The following SLCO1A2 variants were observed in gnomAD, a reference collection of about 807,000 sequenced individuals.
SLCO1A2 encodes OATP-1.
In SLCO1A2, 67 loss-of-function variants were observed where a neutral mutation model predicts 69.0. That is an observed-to-expected ratio of 0.97 (90% CI 0.80 to 1.19). The LOEUF is 1.19. Ranked by LOEUF, SLCO1A2 falls within the 50% of genes most tolerant of loss-of-function variation. The pLI, the probability that SLCO1A2 is intolerant of heterozygous loss-of-function variation, is 0.00. For synonymous variants in SLCO1A2, 260 were observed against 265.9 expected (o/e 0.98, Z 0.22); for missense variants, 787 against 793.7 (o/e 0.99, Z 0.10).
chr12:21,405,078 CTT>C (rs3060710), intron 1 of SLCO1A2, among the ~76,000 whole-genome samples: 1 of 144,158 alleles, frequency 6.9e-6, no homozygotes. Flanking sequence ...TTTTTAATGG[CTT>C]TTTTTTTTTT....
At chr12:21,285,162 T>G (rs1369347573) in intron 12 of SLCO1A2, among the ~76,000 whole-genome samples, 2 of 147,318 alleles carry the variant, frequency 1.4e-5, no homozygotes, top group African/African-American at 5.0e-5. Flanking sequence ...CAATAAAAAA[T>G]GATAAAGGGG....
Position 21,279,070 on chromosome 12 carries a change from T to A in SLCO1A2, c.1611-3646A>T, listed in dbSNP as rs75790254. Among the ~76,000 whole-genome samples the A allele has an allele frequency of 4.2e-3, 640 of 152,020 alleles. 9 individuals carry two copies. Among genetic ancestry groups the A allele is most frequent in the African/African-American group, 0.015 (615 of 41,468 alleles). On this transcript the variant is annotated intron_variant, in intron 12 of 14. Coordinates refer to ENST00000683939, the MANE Select transcript of SLCO1A2 (RefSeq NM_001386879.1). ...AAAAATGCAATGACATACTAAAGAA[T>A]GCCTCAGAATCTCTTAATAGCAGAA...
At chr12:21,293,877 T>C in intron 11 of SLCO1A2, 68 bp downstream of exon 11, 1 of 1,318,316 alleles carries the variant, frequency 7.6e-7, no homozygotes, top group East Asian at 2.5e-5. Context: ...TTATTAAATA[T>C]AGGCCCAGTT....
chr12:21,343,322 A>G (rs1453704794), intron 2 of SLCO1A2, among the ~76,000 whole-genome samples: 4 of 152,136 alleles, frequency 2.6e-5, no homozygotes, highest in Non-Finnish European at 4.4e-5. Flanking sequence ...TACAAATGAG[A>G]CTTAATATCT....
chr12:21,361,322 T>G (rs1024640404), intron 2 of SLCO1A2, among the ~76,000 whole-genome samples: 1 of 152,028 alleles, frequency 6.6e-6, no homozygotes, highest in African/African-American at 2.4e-5. Flanking sequence ...CAGTTGAGGG[T>G]CCTGACTGTT....
chr12:21,349,940 G>T (rs1486742290), intron 2 of SLCO1A2, among the ~76,000 whole-genome samples: 1 of 152,146 alleles, frequency 6.6e-6, no homozygotes, highest in African/African-American at 2.4e-5. Flanking sequence ...GTAGAAACTT[G>T]ATCTGCCTTG....
rs200833464 is a variant in SLCO1A2, at chr12:21,314,571, G to A, written c.313C>T (p.Leu105=). 4.3e-5 allele frequency: 70 copies of A among 1,613,980 alleles called. No homozygotes were observed. The highest frequency in any genetic ancestry group is 5.4e-5 in the Non-Finnish European group (64 of 1,179,970). The change falls in exon 4 of 15, where the codon CTA becomes TTA. Residue 105 remains leucine, a synonymous_variant. Coordinates refer to ENST00000683939, the MANE Select transcript of SLCO1A2 (RefSeq NM_001386879.1). ...VMGLGCFLKS[L]PHFLMNQYEY... Reference sequence around the variant, plus strand: ...TACTGGTTCATGAGGAAATGAGGTAGTGATTTTAAGAAACAGCCTAAGCCC... The same window carrying A: ...TACTGGTTCATGAGGAAATGAGGTAATGATTTTAAGAAACAGCCTAAGCCC...
chr12:21,300,646 G>T, intron 7 of SLCO1A2, 77 bp from the exon 8 acceptor site: 1 of 1,154,018 alleles, frequency 8.7e-7, no homozygotes, highest in Non-Finnish European at 1.2e-6. Flanking sequence ...ATTAAAATTA[G>T]AATTATCGGG....
intron 2 of SLCO1A2, among the ~76,000 whole-genome samples, chr12:21,345,032 C>G (rs1202613979): frequency 6.6e-6 from 1 of 151,894 alleles, no homozygotes; most frequent in South Asian, 2.1e-4. Context: ...GTAAATGTTA[C>G]TTTTCGTTAT....
intron 3 of SLCO1A2, among the ~76,000 whole-genome samples, chr12:21,318,008 GA>G (rs199577219): frequency 1.3e-5 from 2 of 150,806 alleles, no homozygotes; most frequent in African/African-American, 4.9e-5. Flanking sequence ...TCTGTACTTA[GA>G]AAAAAAAATT....
intron 2 of SLCO1A2, among the ~76,000 whole-genome samples, chr12:21,350,544 G>C (rs1391681467): frequency 6.6e-6 from 1 of 151,984 alleles, no homozygotes; most frequent in Admixed American, 6.6e-5. Context: ...AAATTAAAAA[G>C]TAATGTTTCA....
At chr12:21,317,564 T>A (rs1417887796) in intron 3 of SLCO1A2, among the ~76,000 whole-genome samples, 2 of 152,208 alleles carry the variant, frequency 1.3e-5, no homozygotes, top group East Asian at 3.8e-4. Context: ...TATCTGCATC[T>A]CTACCTTCCG....
chr12:21,411,001 T>C (rs975120483), intron 1 of SLCO1A2, among the ~76,000 whole-genome samples: 1 of 152,196 alleles, frequency 6.6e-6, no homozygotes, highest in African/African-American at 2.4e-5. Context: ...GTTTTGTGCA[T>C]TGTAAATACT....
At chr12:21,400,889 AGG>A (rs1941676265) in intron 1 of SLCO1A2, among the ~76,000 whole-genome samples, 2 of 55,896 alleles carry the variant, frequency 3.6e-5, no homozygotes, top group Non-Finnish European at 6.2e-5. Flanking sequence ...GGGTGGGGGG[AGG>A]GGGGAGGGAT....
At position 21,306,988 on chromosome 12, in the gene SLCO1A2, T is replaced by A; in HGVS notation, c.336A>T (p.Gln112His). Reference sequence around the variant, plus strand: ...CTGAAACTGTAGATTCATATTCATATCTGTATAAACACAGGGAAAATGAGT... The same window carrying A: ...CTGAAACTGTAGATTCATATTCATAACTGTATAAACACAGGGAAAATGAGT... The part of the protein sequence containing the change: ...LKSLPHFLMN[Q>H]YEYESTVSVS... Residue 112 changes from glutamine (Q) to histidine (H), a missense_variant and splice_region_variant, in exon 5 of 15, where the codon CAA (glutamine) becomes CAT (histidine). Transcript: ENST00000683939. 6.3e-7 allele frequency: 1 copy of A among 1,597,860 alleles called. No homozygotes were observed. Among genetic ancestry groups the A allele is most frequent in the South Asian group, 1.1e-5 (1 of 90,740 alleles).
chr12:21,354,511 GA>G lies in SLCO1A2; in HGVS notation c.-62-19803del, dbSNP rs200846106. Among the ~76,000 whole-genome samples the G allele has an allele frequency of 4.6e-5, 7 of 150,786 alleles. No homozygotes were observed. The South Asian group carries it at 8.4e-4, about 18-fold the overall frequency. ...TGTGTGTGCATGTGAGCATTTTCCAGAAAAAAAAATCAATTTTTTCCGTCAT... is the reference window on the plus strand; with the variant it reads ...TGTGTGTGCATGTGAGCATTTTCCAGAAAAAAAATCAATTTTTTCCGTCAT... On this transcript the variant is annotated intron_variant, in intron 2 of 15. Coordinates refer to the SLCO1A2 transcript ENST00000307378.
Position 21,290,513 on chromosome 12 carries a change from T to C in SLCO1A2, c.1610+1651A>G, listed in dbSNP as rs566226060. ...AAGGATGAAAAATAGACTCACTAAT[T>C]ATAAAAACTTGAGATGGTGGCACCA... is the stretch of plus-strand genomic sequence containing the variant. On this transcript the variant is annotated intron_variant, in intron 12 of 14. Transcript: ENST00000683939. Among the ~76,000 whole-genome samples, 61 of 152,168 alleles carry C rather than the reference T, an allele frequency of 4.0e-4. 1 individual carries two copies. The East Asian group carries it at 0.01, about 26-fold the overall frequency.
chr12:21,345,863 T>G (rs12813247), intron 2 of SLCO1A2, among the ~76,000 whole-genome samples: 272 of 152,140 alleles, frequency 1.8e-3, no homozygotes, highest in South Asian at 5.0e-3. Flanking sequence ...TTAAATAATG[T>G]TCAGTTTGCC....
At position 21,304,554 on chromosome 12, in the gene SLCO1A2, T is replaced by C. The variant is rs765463912; in HGVS notation, c.462A>G (p.Lys154=). 1.9e-6 allele frequency: 3 copies of C among 1,610,046 alleles called. No homozygotes were observed. The highest frequency in any genetic ancestry group is 2.5e-6 in the Non-Finnish European group (3 of 1,179,072). ...CTAGGACGTACACCCACATTAATGATTTAACTTCCTTTGTACACTCTGCAT... is the reference window on the plus strand; with the variant it reads ...CTAGGACGTACACCCACATTAATGACTTAACTTCCTTTGTACACTCTGCAT... ...QDPSECTKEV[K]SLMWVYVLVG... The change falls in exon 6 of 15, where the codon AAA becomes AAG. Residue 154 remains lysine, a synonymous_variant. Coordinates refer to ENST00000683939, the MANE Select transcript of SLCO1A2 (RefSeq NM_001386879.1).
Sources: gnomAD v4.1 joint callset for allele counts (sites outside exome capture counted in the v4.1 genomes callset) on GRCh38, gnomAD v4.1.1 for gene constraint, MANE v1.5 for transcripts, NCBI Gene and HGNC (gene_info 2026-07-23, HGNC 2026-07-21) for gene names.